KIAA1328: variants seen among roughly 807,000 people sequenced by gnomAD.
KIAA1328 encodes KIAA1328.
Under a neutral mutation model 68.1 loss-of-function variants are expected in KIAA1328, and 52 were observed. The ratio of observed to expected loss-of-function variants is 0.76; its 90% confidence interval spans 0.61 to 0.96. The LOEUF (loss-of-function observed/expected upper bound fraction) is 0.96. Ranked by LOEUF, KIAA1328 falls within the 40% of genes least tolerant of loss-of-function variation. The pLI is 0.00. For synonymous variants in KIAA1328, 232 were observed against 239.4 expected, an observed-to-expected ratio of 0.97 and a Z score of 0.28; for missense variants, 641 against 677.6, an observed-to-expected ratio of 0.95 and a Z score of 0.60.
chr18:37,047,086 GA>G, intron 6 of KIAA1328, among the ~76,000 whole-genome samples: 1 of 152,158 alleles, frequency 6.6e-6, no homozygotes, highest in East Asian at 1.9e-4. Flanking sequence ...CAGCCTGGGT[GA>G]CAGAATGTGT....
At chr18:36,954,319 T>C (rs1031371703) in intron 5 of KIAA1328, 1 of 152,230 alleles carries the variant, frequency 6.6e-6, no homozygotes, top group Non-Finnish European at 1.5e-5. Context: ...TTCTAAATTC[T>C]GTGAAGTGGA....
downstream of KIAA1328, among the ~76,000 whole-genome samples, chr18:37,226,848 ACCTCCG>A (rs1243380087): frequency 1.3e-5 from 2 of 149,952 alleles, no homozygotes; most frequent in Non-Finnish European, 2.9e-5. Flanking sequence ...GCTCACTGCA[ACCTCCG>A]CCTCCCGGGT....
At chr18:36,930,120 G>C (rs923684184) in intron 5 of KIAA1328, among the ~76,000 whole-genome samples, 1 of 152,114 alleles carries the variant, frequency 6.6e-6, no homozygotes. Flanking sequence ...TACTTCTCTT[G>C]TGTTTGTTGC....
In KIAA1328 at chr18:36,835,250, A is replaced by C; in HGVS notation, c.111A>C (p.Gly37=). The change falls in exon 3 of 10, where the codon GGA becomes GGC. Residue 37 remains glycine (G), a synonymous_variant. Transcript: ENST00000280020. ...VVYVPGISAE[G]NVRSRHKLMS... is the part of the protein sequence containing the mutation. ...AATCCTTAGGAATTTCTGCTGAAGGAAATGTCAGATCAAGACACAAGCTGA... is the reference window on the plus strand; with the variant it reads ...AATCCTTAGGAATTTCTGCTGAAGGCAATGTCAGATCAAGACACAAGCTGA... 1 of 1,611,438 alleles carries C rather than the reference A, an allele frequency of 6.2e-7. No homozygotes were observed. The highest frequency in any genetic ancestry group is 8.5e-7 in the Non-Finnish European group (1 of 1,178,980).
intron 6 of KIAA1328, among the ~76,000 whole-genome samples, chr18:37,026,789 A>C (rs574500198): frequency 6.6e-6 from 1 of 152,314 alleles, no homozygotes; most frequent in South Asian, 2.1e-4. Context: ...TAAAAACTGG[A>C]AGCATTCCCT....
intron 8 of KIAA1328, 29 bp from the exon 9 acceptor site, chr18:37,172,944 C>T: frequency 6.5e-7 from 1 of 1,532,048 alleles, no homozygotes; most frequent in South Asian, 1.2e-5. Context: ...TACTGAATGC[C>T]CAAATTATTT....
At chr18:37,193,450 G>A (rs1296287618) in intron 9 of KIAA1328, 5 of 616,556 alleles carry the variant, frequency 8.1e-6, no homozygotes, top group Non-Finnish European at 1.4e-5. Context: ...TTAGAGTTAG[G>A]TCAAATGTTG....
At chr18:36,996,417 G>A (rs2053394516) in intron 6 of KIAA1328, among the ~76,000 whole-genome samples, 1 of 152,098 alleles carries the variant, frequency 6.6e-6, no homozygotes, top group Non-Finnish European at 1.5e-5. Flanking sequence ...TAACACTATT[G>A]TTTGGCTGTT....
intron 6 of KIAA1328, among the ~76,000 whole-genome samples, chr18:36,975,227 G>A (rs1290488811): frequency 7.2e-6 from 1 of 138,150 alleles, no homozygotes; most frequent in Non-Finnish European, 1.5e-5. Context: ...CTGTCGCCCA[G>A]TCTGGAGTGC....
At chr18:37,165,995 G>GT (rs1180427297) in intron 8 of KIAA1328, among the ~76,000 whole-genome samples, 1 of 150,510 alleles carries the variant, frequency 6.6e-6, no homozygotes, top group Non-Finnish European at 1.5e-5. Flanking sequence ...TTCTCAGAAG[G>GT]TAGTTTAATG....
chr18:37,022,614 AC>A (rs1415654841), intron 6 of KIAA1328, among the ~76,000 whole-genome samples: 1 of 151,828 alleles, frequency 6.6e-6, no homozygotes, highest in East Asian at 1.9e-4. Flanking sequence ...CCAATAAAAA[AC>A]TCTGAAAAAT....
chr18:37,182,883 C>T (rs1363781749), intron 9 of KIAA1328, among the ~76,000 whole-genome samples: 2 of 152,116 alleles, frequency 1.3e-5, no homozygotes, highest in East Asian at 3.8e-4. Flanking sequence ...TGTTAGCTTT[C>T]TTCTGTGCTC....
At chr18:37,210,990 T>C (rs927358837) in intron 9 of KIAA1328, among the ~76,000 whole-genome samples, 4 of 152,174 alleles carry the variant, frequency 2.6e-5, no homozygotes, top group African/African-American at 9.7e-5. Flanking sequence ...TAATCTATGA[T>C]TGAATGTGGC....
intron 7 of KIAA1328, among the ~76,000 whole-genome samples, chr18:37,141,331 T>C (rs1288241400): frequency 2.0e-5 from 3 of 152,234 alleles, no homozygotes; most frequent in Non-Finnish European, 4.4e-5. Flanking sequence ...TAAATCTTCA[T>C]ATAAGTAGAA....
chr18:36,992,175 T>C (rs549681320), intron 6 of KIAA1328, among the ~76,000 whole-genome samples: 3 of 152,352 alleles, frequency 2.0e-5, no homozygotes, highest in Non-Finnish European at 4.4e-5. Flanking sequence ...TTGTTGGTTA[T>C]GTGTGTTACA....
chr18:37,223,059 C>T lies in KIAA1328; in HGVS notation c.*832C>T. On this transcript the variant is annotated 3_prime_UTR_variant, in exon 10 of 10. Transcript: ENST00000280020. The stretch of plus-strand genomic sequence containing the variant: ...GTTCAGCTTATTCACCCCACCCCCC[C>T]ACCCCCCATCACACGTGCTCCTGTG... The T allele has an allele frequency of 5.7e-6, 2 of 349,014 alleles. No individual in the cohort carries two copies. The highest frequency in any genetic ancestry group is 7.6e-6 in the Non-Finnish European group (2 of 262,168). The allele number at this position is 349,014 out of a possible 1,614,324, so 21.6% of individuals were successfully genotyped here.
intron 7 of KIAA1328, among the ~76,000 whole-genome samples, chr18:37,147,546 T>C (rs1274102029): frequency 6.6e-6 from 1 of 152,164 alleles, no homozygotes; most frequent in Non-Finnish European, 1.5e-5. Context: ...GGTTTTATGC[T>C]TTGTGAGGGC....
chr18:37,156,318 C>G (rs566921045), intron 7 of KIAA1328, among the ~76,000 whole-genome samples: 84 of 148,866 alleles, frequency 5.6e-4, no homozygotes, highest in Non-Finnish European at 1.0e-3. Context: ...CCCAGCTACT[C>G]GGGAGGCTGA....
chr18:37,223,538 A>G lies in KIAA1328; in HGVS notation c.*1311A>G. The G allele has an allele frequency of 1.0e-6, 1 of 985,380 alleles. No individual in the cohort carries two copies. Among genetic ancestry groups the G allele is most frequent in the Non-Finnish European group, 1.2e-6 (1 of 829,928 alleles). 61.0% of individuals were successfully genotyped at this position (985,380 alleles called of 1,614,324 possible). On this transcript the variant is annotated 3_prime_UTR_variant, in exon 10 of 10. Coordinates refer to ENST00000280020, the MANE Select transcript of KIAA1328 (RefSeq NM_020776.3). ...GTTCCCAGATGTGTATTACTTGGGAATTTTATTTGATCTGGAGGGTGTGGC... is the reference window on the plus strand; with the variant it reads ...GTTCCCAGATGTGTATTACTTGGGAGTTTTATTTGATCTGGAGGGTGTGGC...
Sources: allele counts gnomAD v4.1 joint callset (sites outside exome capture counted in the v4.1 genomes callset), GRCh38; gene constraint gnomAD v4.1.1; transcripts MANE v1.5; gene names NCBI Gene and HGNC (gene_info 2026-07-23, HGNC 2026-07-21).